STAG1: variants seen among roughly 807,000 people sequenced by gnomAD.
STAG1 encodes the protein STAG1 cohesin complex component, also known as cohesin subunit SA-1.
A neutral mutation model predicts 170.9 loss-of-function variants in STAG1; 26 were observed. The observed-to-expected ratio is 0.15, with a 90% confidence interval of 0.11 to 0.21. The LOEUF (loss-of-function observed/expected upper bound fraction) is 0.21. Among genes scored for constraint, STAG1 ranks in the 10% least tolerant of loss-of-function variants. The pLI is 1.00. For synonymous variants in STAG1, 514 were observed against 497.7 expected (o/e 1.03, Z -0.44); for missense variants, 964 against 1,509.5 (o/e 0.64, Z 5.99).
At chr3:136,443,474 A>G (rs2088689728) in intron 14 of STAG1, 70 bp from the exon 15 acceptor site, 1 of 1,094,494 alleles carries the variant, frequency 9.1e-7, no homozygotes, top group South Asian at 1.4e-5. Flanking sequence ...ATTTGAGTTA[A>G]GAAATCATTT....
intron 31 of STAG1, among the ~76,000 whole-genome samples, chr3:136,341,100 G>T (rs1053251082): frequency 6.6e-6 from 1 of 152,128 alleles, no homozygotes; most frequent in Non-Finnish European, 1.5e-5. Context: ...AGTAGAGACG[G>T]GGTTTCACGA....
intron 9 of STAG1, among the ~76,000 whole-genome samples, chr3:136,498,257 C>CACACATATACAT (rs1553733393): frequency 2.4e-5 from 2 of 83,676 alleles, no homozygotes; most frequent in African/African-American, 6.3e-5. Context: ...CATACACACA[C>CACACATATACAT]ACACACACAC....
At chr3:136,439,087 T>C (rs905281415) in intron 15 of STAG1, among the ~76,000 whole-genome samples, 6 of 147,132 alleles carry the variant, frequency 4.1e-5, no homozygotes, top group African/African-American at 1.3e-4. Flanking sequence ...TCCCAGCTAC[T>C]AGAGAGGCTG....
At chr3:136,383,269 A>C (rs552052003) in intron 22 of STAG1, among the ~76,000 whole-genome samples, 2 of 152,212 alleles carry the variant, frequency 1.3e-5, no homozygotes, top group Non-Finnish European at 2.9e-5. Context: ...AGAACAATAG[A>C]TAATATTCAA....
chr3:136,492,472 A>G (rs948715098), intron 9 of STAG1, among the ~76,000 whole-genome samples: 1 of 152,226 alleles, frequency 6.6e-6, no homozygotes, highest in Non-Finnish European at 1.5e-5. Context: ...TGAATTCAAG[A>G]CTGCATGACG....
At chr3:136,578,564 A>G (rs1178519376) in intron 4 of STAG1, among the ~76,000 whole-genome samples, 2 of 152,222 alleles carry the variant, frequency 1.3e-5, no homozygotes, top group South Asian at 2.1e-4. Context: ...TACATACAAT[A>G]AATCTTTTAA....
At chr3:136,693,760 G>C (rs1942799196) in intron 1 of STAG1, among the ~76,000 whole-genome samples, 1 of 151,724 alleles carries the variant, frequency 6.6e-6, no homozygotes, top group South Asian at 2.1e-4. Flanking sequence ...TTAAGAGACG[G>C]GGTCTCATTA....
intron 22 of STAG1, among the ~76,000 whole-genome samples, chr3:136,384,494 C>T (rs1413244654): frequency 4.2e-5 from 6 of 142,278 alleles, no homozygotes; most frequent in East Asian, 2.2e-4. Flanking sequence ...TGAGGCCAGT[C>T]GTGGTGGCTC....
At chr3:136,346,126 C>A (rs1936212121) in intron 29 of STAG1, among the ~76,000 whole-genome samples, 1 of 152,180 alleles carries the variant, frequency 6.6e-6, no homozygotes, top group Admixed American at 6.5e-5. Flanking sequence ...TGGTCACTGT[C>A]TATATGTTCC....
intron 22 of STAG1, among the ~76,000 whole-genome samples, chr3:136,395,684 A>G (rs2087128985): frequency 6.6e-6 from 1 of 152,222 alleles, no homozygotes; most frequent in African/African-American, 2.4e-5. Context: ...TTAACTATCA[A>G]TTATGCTGAA....
chr3:136,403,558 A>T (rs1392922367), intron 21 of STAG1, among the ~76,000 whole-genome samples: 1 of 152,150 alleles, frequency 6.6e-6, no homozygotes, highest in Non-Finnish European at 1.5e-5. Context: ...AATGGAAAAG[A>T]CAAGATTTGA....
intron 26 of STAG1, among the ~76,000 whole-genome samples, chr3:136,361,963 T>C (rs903808661): frequency 1.3e-5 from 2 of 151,802 alleles, no homozygotes; most frequent in African/African-American, 4.8e-5. Context: ...TTCTTTTCTT[T>C]CTTTTTTTTG....
intron 22 of STAG1, among the ~76,000 whole-genome samples, chr3:136,380,241 T>C (rs1247474393): frequency 2.6e-5 from 4 of 151,920 alleles, no homozygotes; most frequent in African/African-American, 9.7e-5. Context: ...ACAAAGGCCA[T>C]AGGATTTTTT....
At chr3:136,528,224 G>A (rs1935167576) in intron 6 of STAG1, among the ~76,000 whole-genome samples, 1 of 152,094 alleles carries the variant, frequency 6.6e-6, no homozygotes, top group African/African-American at 2.4e-5. Flanking sequence ...GCTGTGGTGG[G>A]CTCTACCCAA....
intron 1 of STAG1, among the ~76,000 whole-genome samples, chr3:136,638,130 C>CCTT (rs372836046): frequency 1.4e-5 from 2 of 142,386 alleles, no homozygotes; most frequent in Non-Finnish European, 3.1e-5. Flanking sequence ...GCTGCATTTT[C>CCTT]TTTTTTTTTT....
rs76914503 is a variant in STAG1 at position 136,670,168 on chromosome 3, C to G, written c.-83-39187G>C. 4.1e-3 allele frequency among the ~76,000 whole-genome samples: 627 copies of G among 152,292 alleles called. 3 individuals carry two copies. Among genetic ancestry groups the G allele is most frequent in the Middle Eastern group, 6.8e-3 (2 of 294 alleles). ...AATCATCCAATATTAGCAGCAATGC[C>G]TGTGGTAAAAAGCACATAGGTATAT... is the stretch of plus-strand genomic sequence containing the variant. On this transcript the variant is annotated intron_variant, in intron 1 of 33. Coordinates refer to ENST00000383202, the MANE Select transcript of STAG1 (RefSeq NM_005862.3).
intron 1 of STAG1, among the ~76,000 whole-genome samples, chr3:136,748,294 G>A (rs1394546957): frequency 6.6e-6 from 1 of 151,940 alleles, no homozygotes; most frequent in South Asian, 2.1e-4. Context: ...CCAGCTACTC[G>A]GGAGGCTGAG....
intron 28 of STAG1, among the ~76,000 whole-genome samples, chr3:136,353,015 G>C (rs1408881900): frequency 6.6e-6 from 1 of 152,104 alleles, no homozygotes; most frequent in Non-Finnish European, 1.5e-5. Flanking sequence ...GAAATAAAGA[G>C]TATCAATTTT....
rs1360241281 is a variant in STAG1 at position 136,338,376 on chromosome 3, ATCT to A, written c.3744_3746del (p.Glu1248del). 2.3e-5 allele frequency: 37 copies of A among 1,612,722 alleles called. No homozygotes were observed. The highest frequency in any genetic ancestry group is 1.6e-4 in the Middle Eastern group (1 of 6,080). Reference sequence around the variant, plus strand: ...GTAATAATTTGACATTTACTGAATCATCTTCTATGATAGCTGCAGAGTCAAAGA... The same window carrying A: ...GTAATAATTTGACATTTACTGAATCATCTATGATAGCTGCAGAGTCAAAGA... On this transcript the variant is annotated inframe_deletion, in exon 33 of 34. Coordinates refer to ENST00000383202, the MANE Select transcript of STAG1 (RefSeq NM_005862.3).
Sources: allele counts gnomAD v4.1 joint callset (sites outside exome capture counted in the v4.1 genomes callset), GRCh38; gene constraint gnomAD v4.1.1; transcripts MANE v1.5; gene names NCBI Gene and HGNC (gene_info 2026-07-23, HGNC 2026-07-21).